The following FAM13C variants were observed in gnomAD, a reference collection of about 807,000 sequenced individuals.
The protein encoded by FAM13C is protein FAM13C.
FAM13C carries 37 observed loss-of-function variants against 73.2 expected under a neutral mutation model. That is an observed-to-expected ratio of 0.51 (90% CI 0.39 to 0.67). The LOEUF (loss-of-function observed/expected upper bound fraction) is 0.67. Among genes scored for constraint, FAM13C ranks in the 30% least tolerant of loss-of-function variants. FAM13C has a pLI of 0.00. For missense variants in FAM13C, 589 were observed against 715.6 expected (o/e 0.82, Z 2.02); for synonymous variants, 246 against 260.9 (o/e 0.94, Z 0.55).
intron 3 of FAM13C, among the ~76,000 whole-genome samples, chr10:59,342,844 A>T (rs998339899): frequency 6.6e-6 from 1 of 152,176 alleles, no homozygotes; most frequent in African/African-American, 2.4e-5. Context: ...AAACAGCTTT[A>T]CTTCTAAGCT....
At chr10:59,359,508 T>G (rs1856130433) in intron 1 of FAM13C, among the ~76,000 whole-genome samples, 1 of 152,228 alleles carries the variant, frequency 6.6e-6, no homozygotes, top group East Asian at 1.9e-4. Flanking sequence ...AAGGCAAAGT[T>G]GCAGAGGTAC....
In FAM13C at chr10:59,251,669, G is replaced by A; in HGVS notation, c.1540C>T (p.Leu514Phe). The A allele has an allele frequency of 6.2e-7, 1 of 1,609,318 alleles. No homozygotes were observed. Among genetic ancestry groups the A allele is most frequent in the Non-Finnish European group, 8.5e-7 (1 of 1,178,258 alleles). The change falls in exon 13 of 14, where the codon CTT (leucine) becomes TTT (phenylalanine). Residue 514 changes from leucine (L) to phenylalanine (F), a missense_variant. Coordinates refer to ENST00000618804, the MANE Select transcript of FAM13C (RefSeq NM_198215.4). Reference sequence around the variant, plus strand: ...CTAGTTTCTCGGAGATGGTCAAGAAGTACAGGCCTATATAAGGTAAAATAC... The same window carrying A: ...CTAGTTTCTCGGAGATGGTCAAGAAATACAGGCCTATATAAGGTAAAATAC... The part of the protein sequence containing the change: ...SNLHEATMPV[L>F]LDHLRETRAD...
At chr10:59,273,928 T>C (rs1182901952) in intron 6 of FAM13C, among the ~76,000 whole-genome samples, 1 of 152,216 alleles carries the variant, frequency 6.6e-6, no homozygotes, top group Non-Finnish European at 1.5e-5. Context: ...AATCTCTATC[T>C]GCAAAAACTT....
At chr10:59,318,349 G>A (rs388972) in intron 4 of FAM13C, among the ~76,000 whole-genome samples, 61,361 of 151,632 alleles carry the variant, frequency 0.4, 12,684 homozygotes, top group African/African-American at 0.5. Flanking sequence ...AGCAGTTCAC[G>A]GACTGGGTGT....
At chr10:59,326,493 A>C (rs1466717211) in intron 3 of FAM13C, among the ~76,000 whole-genome samples, 1 of 152,144 alleles carries the variant, frequency 6.6e-6, no homozygotes, top group Non-Finnish European at 1.5e-5. Flanking sequence ...CCAATGCCAA[A>C]AGTTAGATCA....
chr10:59,355,952 G>A lies in FAM13C; in HGVS notation c.63-9C>T, dbSNP rs181247579. 1,176 of 1,613,686 alleles carry A rather than the reference G, an allele frequency of 7.3e-4. 5 individuals carry two copies. In the African/African-American group the frequency reaches 7.3e-3, roughly 10 times the overall value. The stretch of plus-strand genomic sequence containing the variant: ...CTGGATCTTCGTCACACCTGGAAGA[G>A]TGGGAAGAAAAATCACATCAGATCC... On this transcript the variant is annotated splice_polypyrimidine_tract_variant and intron_variant, in intron 1 of 13. Coordinates refer to ENST00000618804, the MANE Select transcript of FAM13C (RefSeq NM_198215.4).
At chr10:59,292,079 C>A (rs545329161) in intron 5 of FAM13C, among the ~76,000 whole-genome samples, 1 of 152,142 alleles carries the variant, frequency 6.6e-6, no homozygotes, top group Non-Finnish European at 1.5e-5. Context: ...TGAGCCACTG[C>A]GCCTGACCTA....
intron 3 of FAM13C, among the ~76,000 whole-genome samples, chr10:59,331,627 C>T (rs941754366): frequency 6.6e-6 from 1 of 151,960 alleles, no homozygotes; most frequent in Admixed American, 6.6e-5. Context: ...GCTTGTGTGG[C>T]AAATGGATTA....
intron 6 of FAM13C, among the ~76,000 whole-genome samples, chr10:59,275,630 A>C (rs1252052015): frequency 1.3e-5 from 2 of 152,194 alleles, no homozygotes; most frequent in Non-Finnish European, 2.9e-5. Flanking sequence ...AATAAAGTCT[A>C]TTAATATTTT....
At chr10:59,340,707 T>C (rs1044464341) in intron 3 of FAM13C, among the ~76,000 whole-genome samples, 33 of 152,106 alleles carry the variant, frequency 2.2e-4, no homozygotes, top group Admixed American at 1.4e-3. Flanking sequence ...AAAGTCTTTA[T>C]AGGTAACCAG....
chr10:59,256,680 G>T (rs1206457230), intron 10 of FAM13C, among the ~76,000 whole-genome samples: 1 of 152,176 alleles, frequency 6.6e-6, no homozygotes, highest in Non-Finnish European at 1.5e-5. Context: ...CCTGAGGAAG[G>T]TTAGTAGTGG....
intron 8 of FAM13C, among the ~76,000 whole-genome samples, chr10:59,267,249 C>G (rs1843166616): frequency 6.6e-6 from 1 of 152,210 alleles, no homozygotes; most frequent in South Asian, 2.1e-4. Flanking sequence ...GTGAAATAAA[C>G]TTCTCCCAGG....
chr10:59,350,461 G>A (rs902245476), intron 3 of FAM13C, among the ~76,000 whole-genome samples: 1 of 152,194 alleles, frequency 6.6e-6, no homozygotes, highest in Non-Finnish European at 1.5e-5. Flanking sequence ...CCTGGGATCA[G>A]TCAGACCTGG....
At chr10:59,286,534 T>TATATAC (rs1554820183) in intron 5 of FAM13C, among the ~76,000 whole-genome samples, 2 of 141,936 alleles carry the variant, frequency 1.4e-5, no homozygotes, top group Non-Finnish European at 3.1e-5. Flanking sequence ...TATATATATA[T>TATATAC]ATATATATTC....
chr10:59,361,468 T>A (rs554722078), intron 1 of FAM13C, among the ~76,000 whole-genome samples: 8 of 152,276 alleles, frequency 5.3e-5, no homozygotes, highest in African/African-American at 1.9e-4. Context: ...ACTCATAACA[T>A]TTTTTAAATG....
chr10:59,307,698 T>C (rs1487080824), intron 4 of FAM13C, among the ~76,000 whole-genome samples: 2 of 152,148 alleles, frequency 1.3e-5, no homozygotes, highest in African/African-American at 2.4e-5. Context: ...AAACCAGTGA[T>C]TATCTATGGT....
At chr10:59,308,344 A>T (rs113009252) in intron 4 of FAM13C, among the ~76,000 whole-genome samples, 2,444 of 151,716 alleles carry the variant, frequency 0.016, 62 homozygotes, top group African/African-American at 0.056. Context: ...CCATTCACCA[A>T]CATCATCACC....
intron 8 of FAM13C, among the ~76,000 whole-genome samples, chr10:59,266,392 C>G (rs1004138140): frequency 1.3e-5 from 2 of 152,130 alleles, no homozygotes; most frequent in African/African-American, 4.8e-5. Flanking sequence ...AGAGGCCCAG[C>G]AGGAGCCCAG....
At chr10:59,319,501 A>T (rs1849943211) in intron 4 of FAM13C, among the ~76,000 whole-genome samples, 1 of 152,252 alleles carries the variant, frequency 6.6e-6, no homozygotes, top group Admixed American at 6.5e-5. Context: ...AAGTAAATTT[A>T]CTTAGCTTAG....
Sources: allele counts gnomAD v4.1 joint callset (sites outside exome capture counted in the v4.1 genomes callset), GRCh38; gene constraint gnomAD v4.1.1; transcripts MANE v1.5; gene names NCBI Gene and HGNC (gene_info 2026-07-23, HGNC 2026-07-21).